The following SLC36A3 variants were observed in gnomAD, a reference collection of about 807,000 sequenced individuals.
SLC36A3 encodes the protein proton-coupled amino acid transporter 3.
A neutral mutation model predicts 44.3 loss-of-function variants in SLC36A3; 35 were observed. That is an observed-to-expected ratio of 0.79 (90% CI 0.60 to 1.05). The LOEUF (loss-of-function observed/expected upper bound fraction) is 1.05. SLC36A3 is among the 50% of genes least tolerant of loss of function. The probability of loss-of-function intolerance (pLI) is 0.00; values close to 1 mark genes in which losing one functional copy is unlikely to be tolerated. For missense variants in SLC36A3, 540 were observed against 578.7 expected, an observed-to-expected ratio of 0.93 and a Z score of 0.69; for synonymous variants, 211 against 227.6, an observed-to-expected ratio of 0.93 and a Z score of 0.66.
chr5:151,277,382 A>C lies in SLC36A3; in HGVS notation c.*11T>G. ...GGAGGAAGGGAGAGCTATTAGAATA[A>C]AAACAGATAATTATGCATGGACACC... On this transcript the variant is annotated 3_prime_UTR_variant, in exon 10 of 10. Coordinates refer to ENST00000335230, the MANE Select transcript of SLC36A3 (RefSeq NM_181774.4). The C allele has an allele frequency of 6.2e-7, 1 of 1,612,858 alleles. No individual in the cohort carries two copies. The highest frequency in any genetic ancestry group is 1.3e-5 in the African/African-American group (1 of 74,980).
chr5:151,294,032 G>T (rs887586749), intron 3 of SLC36A3, among the ~76,000 whole-genome samples: 2 of 152,222 alleles, frequency 1.3e-5, no homozygotes, highest in African/African-American at 4.8e-5. Flanking sequence ...AACAGCAGCA[G>T]GTTGCCCAGA....
intron 4 of SLC36A3, among the ~76,000 whole-genome samples, chr5:151,289,623 G>A (rs1754682722): frequency 6.6e-6 from 1 of 152,122 alleles, no homozygotes; most frequent in Non-Finnish European, 1.5e-5. Context: ...TTTTGAGACA[G>A]AGTCTCAGTG....
Position 151,284,702 on chromosome 5 carries a change from A to G in SLC36A3, c.718T>C (p.Tyr240His). ...GCCATCAAGGGTAGGTTGCTGGGAT[A>G]TGGAATCCCCTAAAAGAAAGTGGGA... ...IFEYIMEGIPYPSNLPLMANW... is the reference protein window; with the variant it reads ...IFEYIMEGIPHPSNLPLMANW... Residue 240 changes from tyrosine (Y) to histidine (H), a missense_variant, in exon 7 of 10, where the codon TAT becomes CAT. Coordinates refer to ENST00000335230, the MANE Select transcript of SLC36A3 (RefSeq NM_181774.4). The G allele has an allele frequency of 6.2e-7, 1 of 1,612,516 alleles. No individual in the cohort carries two copies. Among genetic ancestry groups the G allele is most frequent in the East Asian group, 2.2e-5 (1 of 44,878 alleles).
At chr5:151,285,024 TTATC>T (rs1355274504) in intron 6 of SLC36A3, among the ~76,000 whole-genome samples, 2 of 152,158 alleles carry the variant, frequency 1.3e-5, no homozygotes, top group African/African-American at 4.8e-5. Flanking sequence ...TGGAAACTCT[TTATC>T]TATCAAATAA....
intron 3 of SLC36A3, among the ~76,000 whole-genome samples, chr5:151,295,951 G>A (rs1052287087): frequency 1.3e-5 from 2 of 152,206 alleles, no homozygotes; most frequent in Non-Finnish European, 2.9e-5. Context: ...GGGCTCAGGG[G>A]GATGCAGGAA....
At position 151,276,498 on chromosome 5, in the gene SLC36A3, C is replaced by T. The variant is rs1754099191; in HGVS notation, c.*895G>A. On this transcript the variant is annotated 3_prime_UTR_variant, in exon 10 of 10. Coordinates refer to ENST00000335230, the MANE Select transcript of SLC36A3 (RefSeq NM_181774.4). ...ACATCACAATTTATTTATCCATTCT[C>T]TTGTTTATAGACATTTAGAGTATTT... 6.6e-6 allele frequency among the ~76,000 whole-genome samples: 1 copy of T among 152,116 alleles called. No individual in the cohort carries two copies. Among genetic ancestry groups the T allele is most frequent in the Non-Finnish European group, 1.5e-5 (1 of 68,010 alleles).
chr5:151,289,915 C>T lies in SLC36A3; in HGVS notation c.405-1445G>A, dbSNP rs575824034. 8.5e-5 allele frequency among the ~76,000 whole-genome samples: 13 copies of T among 152,282 alleles called. No individual in the cohort carries two copies. In the South Asian group the frequency reaches 2.7e-3, roughly 32 times the overall value. ...TAAAACTTTGAGATGGCATGATTAT[C>T]CTGTTCCTCAAACCAATGGTTTTAC... On this transcript the variant is annotated intron_variant, in intron 4 of 9. Transcript: ENST00000335230.
chr5:151,291,926 T>A (rs932620192), intron 4 of SLC36A3, among the ~76,000 whole-genome samples: 13 of 152,170 alleles, frequency 8.5e-5, no homozygotes, highest in Non-Finnish European at 1.6e-4. Flanking sequence ...AATGGTGCGA[T>A]CTCGGCTCAC....
intron 5 of SLC36A3, 54 bp from the exon 6 acceptor site, chr5:151,287,518 C>G: frequency 6.6e-7 from 1 of 1,525,804 alleles, no homozygotes; most frequent in Admixed American, 1.8e-5. Context: ...ACACAGGACA[C>G]CAATTACATT....
Position 151,289,630 on chromosome 5 carries a change from A to G in SLC36A3, c.405-1160T>C, listed in dbSNP as rs554622509. Among the ~76,000 whole-genome samples, 7 of 152,334 alleles carry G rather than the reference A, an allele frequency of 4.6e-5. No homozygotes were observed. The South Asian group carries it at 1.4e-3, about 32-fold the overall frequency. On this transcript the variant is annotated intron_variant, in intron 4 of 9. Transcript: ENST00000335230. ...ATTTTATTTTTTGAGACAGAGTCTC[A>G]GTGTGTTTTCATCACACTGGCTTTG...
At chr5:151,293,277 T>C (rs751026893) in intron 4 of SLC36A3, 87 bp downstream of exon 4, 47 of 1,125,102 alleles carry the variant, frequency 4.2e-5, no homozygotes, top group Non-Finnish European at 5.7e-5. Flanking sequence ...AATAAGAGCA[T>C]ATTCATTTAA....
At chr5:151,282,438 G>A (rs1374688425) in intron 8 of SLC36A3, among the ~76,000 whole-genome samples, 1 of 152,104 alleles carries the variant, frequency 6.6e-6, no homozygotes, top group Non-Finnish European at 1.5e-5. Context: ...AAAGTGCCGG[G>A]ATTATAGGCA....
intron 3 of SLC36A3, 118 bp downstream of exon 3, chr5:151,296,061 GA>G: frequency 1.1e-6 from 1 of 897,672 alleles, no homozygotes; most frequent in Non-Finnish European, 1.8e-6. Context: ...ATAGAATCCA[GA>G]TTGGTAGGAA....
intron 8 of SLC36A3, among the ~76,000 whole-genome samples, chr5:151,281,844 A>G (rs555051749): frequency 6.6e-6 from 1 of 152,228 alleles, no homozygotes; most frequent in East Asian, 1.9e-4. Context: ...AAAAAAGACA[A>G]TATATGCATA....
chr5:151,298,760 G>T, intron 1 of SLC36A3, 77 bp from the exon 2 acceptor site: 2 of 1,472,916 alleles, frequency 1.4e-6, no homozygotes, highest in Non-Finnish European at 1.9e-6. Context: ...GCCTCCTTCT[G>T]GCATCTCCAG....
intron 7 of SLC36A3, 142 bp from the exon 8 acceptor site, chr5:151,284,352 T>A: frequency 1.2e-6 from 1 of 824,140 alleles, no homozygotes; most frequent in East Asian, 2.6e-5. Context: ...ATGGCCACAC[T>A]CCTTTCATTT....
chr5:151,288,590 CTTTT>C (rs1754634628), intron 4 of SLC36A3, 120 bp from the exon 5 acceptor site: 2 of 892,022 alleles, frequency 2.2e-6, no homozygotes, highest in African/African-American at 1.7e-5. Context: ...TCCCTACTTT[CTTTT>C]ATTTTGAAAA....
chr5:151,303,095 T>A (rs1449686849), intron 1 of SLC36A3, 132 bp downstream of exon 1: 1 of 1,178,104 alleles, frequency 8.5e-7, no homozygotes, highest in East Asian at 2.7e-5. Context: ...TCTGAAGGTT[T>A]CATCTTTTAT....
chr5:151,287,456 T>C lies in SLC36A3; in HGVS notation c.498A>G (p.Glu166=). The C allele has an allele frequency of 4.3e-6, 7 of 1,614,038 alleles. No homozygotes were observed. Among genetic ancestry groups the C allele is most frequent in the Non-Finnish European group, 5.9e-6 (7 of 1,179,952 alleles). ...AGATGTTGGAGGTCACGTGGGCTTT[T>C]TCCACCATCTGACATAAAGCACAAT... The part of the protein sequence containing the change: ...FMADNLQQMV[E]KAHVTSNICQ... Residue 166 remains glutamate (E), a synonymous_variant, in exon 6 of 10, where the codon GAA becomes GAG. Transcript: ENST00000335230.
Sources: allele counts gnomAD v4.1 joint callset (sites outside exome capture counted in the v4.1 genomes callset), GRCh38; gene constraint gnomAD v4.1.1; transcripts MANE v1.5; gene names NCBI Gene and HGNC (gene_info 2026-07-23, HGNC 2026-07-21).